Variants in AK5 observed in about 807,000 individuals in gnomAD.
AK5 encodes adenylate kinase isoenzyme 5.
Under a neutral mutation model 69.5 loss-of-function variants are expected in AK5, and 27 were observed. That is an observed-to-expected ratio of 0.39 (90% CI 0.29 to 0.54). The LOEUF is 0.54. Among genes scored for constraint, AK5 ranks in the 20% least tolerant of loss-of-function variants. The probability of loss-of-function intolerance (pLI) is 0.71; values close to 1 mark genes in which losing one functional copy is unlikely to be tolerated. For missense variants in AK5, 531 were observed against 700.4 expected (o/e 0.76, Z 2.73); for synonymous variants, 260 against 244.4 (o/e 1.06, Z -0.60).
chr1:77,476,379 T>A (rs1654936381), intron 8 of AK5, among the ~76,000 whole-genome samples: 1 of 152,214 alleles, frequency 6.6e-6, no homozygotes, highest in African/African-American at 2.4e-5. Context: ...TCCCTGGTGA[T>A]AAAATGTACT....
chr1:77,432,246 G>A (rs1214793878), intron 8 of AK5, among the ~76,000 whole-genome samples: 1 of 152,128 alleles, frequency 6.6e-6, no homozygotes, highest in Non-Finnish European at 1.5e-5. Context: ...GTGCCAGGAT[G>A]TGTCCCAGAT....
At chr1:77,548,778 A>G (rs76320690) in intron 13 of AK5, among the ~76,000 whole-genome samples, 4,182 of 152,144 alleles carry the variant, frequency 0.027, 97 homozygotes, top group African/African-American at 0.059. Flanking sequence ...TGCTTTCCTC[A>G]TTTAGTCATA....
chr1:77,446,950 G>A (rs769927743), intron 8 of AK5, among the ~76,000 whole-genome samples: 4 of 152,224 alleles, frequency 2.6e-5, no homozygotes, highest in Non-Finnish European at 5.9e-5. Context: ...ATCAGCTGGA[G>A]CCGGGAAGCT....
chr1:77,282,447 G>A (rs994592278), intron 1 of AK5, 74 bp downstream of exon 1: 4 of 1,494,028 alleles, frequency 2.7e-6, no homozygotes, highest in Non-Finnish European at 2.7e-6. Context: ...AGGCAGCCGC[G>A]CCCCGTCCCA....
intron 6 of AK5, among the ~76,000 whole-genome samples, chr1:77,398,901 A>G (rs971561304): frequency 6.6e-6 from 1 of 152,168 alleles, no homozygotes; most frequent in Non-Finnish European, 1.5e-5. Flanking sequence ...GGTCCAATCT[A>G]TATGGATCTC....
chr1:77,323,270 G>C (rs1660629420), intron 5 of AK5, among the ~76,000 whole-genome samples: 1 of 152,164 alleles, frequency 6.6e-6, no homozygotes, highest in Non-Finnish European at 1.5e-5. Flanking sequence ...GGGATTATAG[G>C]TGTGAACCAA....
chr1:77,361,254 C>T (rs1646857427), intron 6 of AK5, among the ~76,000 whole-genome samples: 1 of 152,158 alleles, frequency 6.6e-6, no homozygotes, highest in African/African-American at 2.4e-5. Flanking sequence ...CATTTTGGTT[C>T]TTAAGTATTT....
intron 1 of AK5, chr1:77,283,533 G>A (rs1027398945): frequency 3.0e-6 from 3 of 985,354 alleles, no homozygotes; most frequent in Admixed American, 6.1e-5. Flanking sequence ...TTTAAAATGG[G>A]TTGCCATAAT....
intron 5 of AK5, among the ~76,000 whole-genome samples, chr1:77,322,743 C>A (rs1452555240): frequency 6.6e-6 from 1 of 152,072 alleles, no homozygotes; most frequent in Non-Finnish European, 1.5e-5. Context: ...TCTCTCCACC[C>A]AACTATACTA....
At chr1:77,382,543 T>C (rs1278906561) in intron 6 of AK5, among the ~76,000 whole-genome samples, 2 of 152,132 alleles carry the variant, frequency 1.3e-5, no homozygotes, top group African/African-American at 4.8e-5. Context: ...AGAGAGAGGA[T>C]CTCACTCTGT....
At chr1:77,513,049 G>A (rs1441761751) in intron 10 of AK5, among the ~76,000 whole-genome samples, 3 of 152,156 alleles carry the variant, frequency 2.0e-5, no homozygotes, top group Non-Finnish European at 4.4e-5. Flanking sequence ...CTATAACCAC[G>A]TGACTAGTAA....
rs55819317 is a variant in AK5, at chr1:77,289,862, C to CAA, written c.247+2760_247+2761dup. ...TGGGCGACACAGAGAGACTCCGTCT[C>CAA]AAAAAAAAAAAAAAAAAAAAAAAAA... On this transcript the variant is annotated intron_variant, in intron 2 of 13. Coordinates refer to ENST00000354567, the MANE Select transcript of AK5 (RefSeq NM_174858.3). Among the ~76,000 whole-genome samples the CAA allele has an allele frequency of 8.1e-3, 524 of 64,706 alleles. 52 individuals carry two copies. The highest frequency in any genetic ancestry group is 0.022 in the South Asian group (33 of 1,490). 42.4% of individuals were successfully genotyped at this position (64,706 alleles called of 152,430 possible). A position where few individuals can be genotyped will look rare whatever the true frequency, so the allele number is the denominator to read the frequency against.
chr1:77,434,261 A>G (rs1030920034), intron 8 of AK5, among the ~76,000 whole-genome samples: 1 of 152,106 alleles, frequency 6.6e-6, no homozygotes, highest in Non-Finnish European at 1.5e-5. Context: ...TAAGAGTTTT[A>G]TATGATCTTG....
At chr1:77,479,344 T>C (rs941511452) in intron 8 of AK5, among the ~76,000 whole-genome samples, 1 of 151,988 alleles carries the variant, frequency 6.6e-6, no homozygotes, top group Non-Finnish European at 1.5e-5. Context: ...TACCTAGGAT[T>C]ACAGGCATGC....
In AK5 at chr1:77,391,404, T is replaced by C. The variant is rs934057290; in HGVS notation, c.892-19577T>C. On this transcript the variant is annotated intron_variant, in intron 6 of 13. Coordinates refer to ENST00000354567, the MANE Select transcript of AK5 (RefSeq NM_174858.3). ...GCAAAAAAAAAAATATATATATATA[T>C]ACACACACATATATATGTATATATA... 2.0e-4 allele frequency among the ~76,000 whole-genome samples: 29 copies of C among 141,508 alleles called. 1 individual carries two copies. The highest frequency in any genetic ancestry group is 6.9e-4 in the South Asian group (3 of 4,366). 92.8% of individuals were successfully genotyped at this position (141,508 alleles called of 152,430 possible).
intron 8 of AK5, among the ~76,000 whole-genome samples, chr1:77,422,511 C>G (rs2647484): frequency 0.022 from 3,323 of 152,282 alleles, 119 homozygotes; most frequent in African/African-American, 0.076. Context: ...CAAAGCCATT[C>G]TCAGGTCCCT....
At chr1:77,371,954 A>C (rs939349934) in intron 6 of AK5, among the ~76,000 whole-genome samples, 7 of 152,228 alleles carry the variant, frequency 4.6e-5, no homozygotes, top group African/African-American at 1.7e-4. Flanking sequence ...ATCAGTAGAA[A>C]GACTTGCACT....
chr1:77,399,115 T>G (rs1649025804), intron 6 of AK5, among the ~76,000 whole-genome samples: 1 of 152,232 alleles, frequency 6.6e-6, no homozygotes, highest in Admixed American at 6.5e-5. Context: ...AAGTGCTTTC[T>G]GCAGCAACTT....
Position 77,556,571 on chromosome 1 carries a change from GACAA to G in AK5, c.1621-2027_1621-2024del, listed in dbSNP as rs142945627. Among the ~76,000 whole-genome samples, 727 of 152,212 alleles carry G rather than the reference GACAA, an allele frequency of 4.8e-3. 4 individuals are homozygous for G. Among genetic ancestry groups the G allele is most frequent in the Non-Finnish European group, 7.2e-3 (492 of 68,002 alleles). ...TACAGGATTTTTCCAGTTGGGGAAC[GACAA>G]ACAGTGCTTCCGTTAATATTGTTGT... On this transcript the variant is annotated intron_variant, in intron 13 of 13. Transcript: ENST00000354567.
Sources: gnomAD v4.1 joint callset for allele counts (sites outside exome capture counted in the v4.1 genomes callset) on GRCh38, gnomAD v4.1.1 for gene constraint, MANE v1.5 for transcripts, NCBI Gene and HGNC (gene_info 2026-07-23, HGNC 2026-07-21) for gene names.